The following PCDHGB1 variants were observed in gnomAD, a reference collection of about 807,000 sequenced individuals.
The protein encoded by PCDHGB1 is protocadherin gamma-B1.
A neutral mutation model predicts 56.6 loss-of-function variants in PCDHGB1; 34 were observed. The ratio of observed to expected loss-of-function variants is 0.60; its 90% CI spans 0.46 to 0.80. The LOEUF is 0.80. Ranked by LOEUF, PCDHGB1 falls within the 30% of genes least tolerant of loss-of-function variation. The pLI is 0.00. For synonymous variants in PCDHGB1, 561 were observed against 505.9 expected (o/e 1.11, Z -1.46); for missense variants, 1,278 against 1,204.6 (o/e 1.06, Z -0.90).
chr5:141,383,157 T>A, intron 1 of PCDHGB1: 1 of 1,614,076 alleles, frequency 6.2e-7, no homozygotes, highest in Non-Finnish European at 8.5e-7. Context: ...GCTTGGTCAC[T>A]GCGGGCAGGA....
chr5:141,380,304 C>T (rs1241911160), intron 1 of PCDHGB1, among the ~76,000 whole-genome samples: 3 of 151,974 alleles, frequency 2.0e-5, no homozygotes, highest in Non-Finnish European at 2.9e-5. Flanking sequence ...TATATCTTTG[C>T]TTGAGAATGA....
intron 2 of PCDHGB1, among the ~76,000 whole-genome samples, chr5:141,503,077 T>C (rs902429288): frequency 6.6e-6 from 1 of 151,810 alleles, no homozygotes; most frequent in African/African-American, 2.4e-5. Flanking sequence ...ATGGTCTCGA[T>C]CTCCTGACCT....
intron 1 of PCDHGB1, chr5:141,421,202 C>G (rs1345590720): frequency 6.6e-7 from 1 of 1,519,226 alleles, no homozygotes; most frequent in Non-Finnish European, 8.8e-7. Flanking sequence ...CTCGAGAAAC[C>G]GCGGAATATC....
Position 141,490,583 on chromosome 5 carries a change from A to G in PCDHGB1, c.2410-4224A>G, listed in dbSNP as rs2099701693. ...ATCAGGCTCAACATTTCAGATGTCAATGACAATGCACCCCGCTTCAACCAG... is the reference window on the plus strand; with the variant it reads ...ATCAGGCTCAACATTTCAGATGTCAGTGACAATGCACCCCGCTTCAACCAG... On this transcript the variant is annotated intron_variant, in intron 1 of 3. Coordinates refer to ENST00000523390, the MANE Select transcript of PCDHGB1 (RefSeq NM_018922.3). This position sits in a 1 kb window ranked among gnomAD's most constrained non-coding sequence, Gnocchi z 5.4. 2.5e-6 allele frequency: 4 copies of G among 1,614,138 alleles called. No homozygotes were observed. Among genetic ancestry groups the G allele is most frequent in the African/African-American group, 1.3e-5 (1 of 75,032 alleles).
intron 1 of PCDHGB1, chr5:141,413,097 C>T (rs531228946): frequency 1.4e-6 from 2 of 1,447,922 alleles, no homozygotes; most frequent in African/African-American, 1.4e-5. Flanking sequence ...CACCCTGAAG[C>T]CACAGAAAGA....
At chr5:141,355,002 A>C in intron 1 of PCDHGB1, 1 of 756,684 alleles carries the variant, frequency 1.3e-6, no homozygotes, top group Non-Finnish European at 1.9e-6. Flanking sequence ...GGGGGAAAAG[A>C]CAAACCAGAA....
At chr5:141,366,695 G>A (rs1764747221) in intron 1 of PCDHGB1, 2 of 1,614,238 alleles carry the variant, frequency 1.2e-6, no homozygotes, top group Non-Finnish European at 8.5e-7. Context: ...TGAGAAAAGC[G>A]AGCCTCTTCT....
intron 1 of PCDHGB1, chr5:141,400,190 T>C: frequency 1.2e-6 from 2 of 1,614,016 alleles, no homozygotes; most frequent in Non-Finnish European, 1.7e-6. Context: ...CAGTTTTACC[T>C]AGTGGTGGCC....
rs1332743231 is a variant in PCDHGB1 at position 141,432,967 on chromosome 5, G to A, written c.2410-61840G>A. 4 of 1,614,192 alleles carry A rather than the reference G, an allele frequency of 2.5e-6. No homozygotes were observed. In the East Asian group the frequency reaches 6.7e-5, roughly 27 times the overall value. On this transcript the variant is annotated intron_variant, in intron 1 of 3. Coordinates refer to ENST00000523390, the MANE Select transcript of PCDHGB1 (RefSeq NM_018922.3). The surrounding 1 kb of genome is among the most constrained non-coding windows in gnomAD (Gnocchi z 6.0). The stretch of plus-strand genomic sequence containing the variant: ...CAGGAGGCGGCTTGACAGGAGCGCC[G>A]GCGTCGCACTTTGTGGGCGTGGACG...
At chr5:141,382,592 A>G (rs1264942970) in intron 1 of PCDHGB1, 1 of 246,462 alleles carries the variant, frequency 4.1e-6, no homozygotes, top group Admixed American at 5.4e-5. Context: ...TTGAAAGATG[A>G]AACAATTTTC....
intron 1 of PCDHGB1, chr5:141,402,812 C>T: frequency 8.0e-7 from 1 of 1,243,800 alleles, no homozygotes; most frequent in East Asian, 2.6e-5. Flanking sequence ...GCAGATACCA[C>T]AAACCTGCTC....
At chr5:141,421,846 G>A (rs1187020807) in intron 1 of PCDHGB1, 2 of 1,613,642 alleles carry the variant, frequency 1.2e-6, no homozygotes, top group East Asian at 4.5e-5. Context: ...AGAGAAAGAG[G>A]CTGCTCACCT....
At chr5:141,505,552 T>C (rs920594597) in intron 3 of PCDHGB1, 71 bp downstream of exon 3, 8 of 1,608,230 alleles carry the variant, frequency 5.0e-6, no homozygotes, top group Non-Finnish European at 6.8e-6. Context: ...ACAGCCACCA[T>C]GCCCACGGAC....
chr5:141,384,638 G>T (rs1003169745), intron 1 of PCDHGB1: 38 of 1,614,070 alleles, frequency 2.4e-5, no homozygotes, highest in Non-Finnish European at 2.6e-5. Context: ...CTGGCACCCC[G>T]CTCCGCAGAG....
intron 1 of PCDHGB1, among the ~76,000 whole-genome samples, chr5:141,479,914 G>T (rs2099509746): frequency 6.6e-6 from 1 of 152,148 alleles, no homozygotes; most frequent in South Asian, 2.1e-4. Context: ...CTGTTATTTT[G>T]TTACTCAGTG....
intron 1 of PCDHGB1, chr5:141,415,086 G>C: frequency 5.6e-6 from 9 of 1,613,554 alleles, no homozygotes; most frequent in Non-Finnish European, 6.8e-6. Context: ...GAGCCCTGCT[G>C]GACAGAGACG....
At chr5:141,382,895 C>A (rs1554087243) in intron 1 of PCDHGB1, 1 of 1,536,202 alleles carries the variant, frequency 6.5e-7, no homozygotes, top group South Asian at 1.3e-5. Flanking sequence ...AGAAGCAGGA[C>A]GACTATGGCG....
intron 1 of PCDHGB1, among the ~76,000 whole-genome samples, chr5:141,400,827 C>G (rs1236536713): frequency 2.0e-5 from 3 of 152,178 alleles, no homozygotes; most frequent in Admixed American, 2.0e-4. Flanking sequence ...TTCGTTGTCT[C>G]ATTCTTTAAC....
intron 1 of PCDHGB1, among the ~76,000 whole-genome samples, chr5:141,463,570 T>A (rs557041487): frequency 2.7e-5 from 4 of 146,586 alleles, no homozygotes; most frequent in Middle Eastern, 3.5e-3. Context: ...TGCCTCAGCC[T>A]CCCGAGTAGC....
Sources: allele counts gnomAD v4.1 joint callset (sites outside exome capture counted in the v4.1 genomes callset), GRCh38; gene constraint gnomAD v4.1.1; non-coding constraint Gnocchi (gnomAD v3.1); transcripts MANE v1.5; gene names NCBI Gene and HGNC (gene_info 2026-07-23, HGNC 2026-07-21).